The following SCMH1 variants were observed in gnomAD, a reference collection of about 807,000 sequenced individuals.
SCMH1 encodes the protein polycomb protein SCMH1.
SCMH1 carries 37 observed loss-of-function variants against 70.8 expected under a neutral mutation model. The observed-to-expected ratio is 0.52, with a 90% CI of 0.40 to 0.69. SCMH1 has a LOEUF of 0.69. Among genes scored for constraint, SCMH1 ranks in the 30% least tolerant of loss-of-function variants. SCMH1 has a pLI of 0.00. For missense variants in SCMH1, 607 were observed against 827.3 expected, an observed-to-expected ratio of 0.73 and a Z score of 3.27; for synonymous variants, 292 against 307.4, an observed-to-expected ratio of 0.95 and a Z score of 0.52.
rs147510599 is a variant in SCMH1 at position 41,200,310 on chromosome 1, T to C, written c.-117-14060A>G. ...GGTTAACATGGTGAAACCCCGTCTC[T>C]ACTAAAAATACAAAAAAACATTAGC... On this transcript the variant is annotated intron_variant, in intron 1 of 14. Coordinates refer to ENST00000337495, the Ensembl canonical transcript of SCMH1. Among the ~76,000 whole-genome samples, 63 of 151,940 alleles carry C rather than the reference T, an allele frequency of 4.1e-4. No homozygotes were observed. In the East Asian group the frequency reaches 0.011, roughly 27 times the overall value.
chr1:41,091,381 T>C (rs1663443807), intron 8 of SCMH1, among the ~76,000 whole-genome samples: 1 of 152,226 alleles, frequency 6.6e-6, no homozygotes, highest in Non-Finnish European at 1.5e-5. Flanking sequence ...TGATGGGATG[T>C]ATCTCAAAAT....
intron 1 of SCMH1, among the ~76,000 whole-genome samples, chr1:41,199,253 G>A (rs1031133200): frequency 6.6e-6 from 1 of 152,094 alleles, no homozygotes; most frequent in Non-Finnish European, 1.5e-5. Context: ...AACCAAGAAA[G>A]AGCACATTAC....
intron 6 of SCMH1, among the ~76,000 whole-genome samples, chr1:41,138,821 G>A (rs1276950988): frequency 4.6e-5 from 7 of 151,928 alleles, no homozygotes; most frequent in African/African-American, 1.7e-4. Flanking sequence ...TAGTTGAAAT[G>A]GTTTTATCCT....
chr1:41,148,345 C>A (rs1476661302), intron 5 of SCMH1, among the ~76,000 whole-genome samples: 1 of 152,172 alleles, frequency 6.6e-6, no homozygotes, highest in African/African-American at 2.4e-5. Flanking sequence ...CAGTGACCTT[C>A]ATTTCTTTGT....
At chr1:41,213,057 T>C (rs572348322) in intron 1 of SCMH1, among the ~76,000 whole-genome samples, 1 of 152,258 alleles carries the variant, frequency 6.6e-6, no homozygotes, top group African/African-American at 2.4e-5. Context: ...ACACGAATAG[T>C]ACAGATAGAT....
chr1:41,070,861 G>A (rs1444667723), intron 9 of SCMH1, 140 bp from the exon 10 acceptor site: 8 of 1,037,702 alleles, frequency 7.7e-6, no homozygotes, highest in African/African-American at 1.6e-5. Context: ...CACAGCATCT[G>A]GCTTAAAGCT....
At chr1:41,136,563 G>A (rs1338940134) in intron 6 of SCMH1, among the ~76,000 whole-genome samples, 2 of 151,264 alleles carry the variant, frequency 1.3e-5, no homozygotes, top group African/African-American at 4.9e-5. Flanking sequence ...TAGTAGAGAC[G>A]GGGTTTTACC....
chr1:41,170,269 G>A (rs1002399671), intron 2 of SCMH1, among the ~76,000 whole-genome samples: 1 of 152,172 alleles, frequency 6.6e-6, no homozygotes, highest in Admixed American at 6.5e-5. Context: ...TGCTATATGT[G>A]GGGTTAAAAC....
chr1:41,168,881 C>T (rs1572793130), intron 2 of SCMH1, among the ~76,000 whole-genome samples: 1 of 152,122 alleles, frequency 6.6e-6, no homozygotes, highest in East Asian at 1.9e-4. Context: ...AATACCCCCA[C>T]AATACCGTAG....
chr1:41,175,641 T>C (rs1190540146), intron 2 of SCMH1, among the ~76,000 whole-genome samples: 1 of 152,192 alleles, frequency 6.6e-6, no homozygotes, highest in African/African-American at 2.4e-5. Context: ...AATAGCTTCA[T>C]ACTCAATTAA....
chr1:41,094,897 A>C (rs1664658521), intron 8 of SCMH1, among the ~76,000 whole-genome samples: 1 of 152,068 alleles, frequency 6.6e-6, no homozygotes, highest in Non-Finnish European at 1.5e-5. Flanking sequence ...TCAAAAAAAA[A>C]AAAAAAATTC....
chr1:41,208,433 A>AT (rs576808485), intron 1 of SCMH1, among the ~76,000 whole-genome samples: 463 of 43,784 alleles, frequency 0.011, 1 homozygote, highest in African/African-American at 0.022. Context: ...TAAGAAAAAA[A>AT]TTAAAAAAAA....
chr1:41,040,373 AGT>A (rs1645968568), intron 12 of SCMH1, among the ~76,000 whole-genome samples: 1 of 152,144 alleles, frequency 6.6e-6, no homozygotes, highest in South Asian at 2.1e-4. Context: ...GGATGATCAG[AGT>A]GGTGGTGAGG....
At chr1:41,219,220 T>C (rs1053120100) in intron 1 of SCMH1, among the ~76,000 whole-genome samples, 9 of 152,340 alleles carry the variant, frequency 5.9e-5, no homozygotes, top group African/African-American at 9.6e-5. Context: ...AGTTCTGCAA[T>C]TGAGATTCTC....
At chr1:41,116,111 C>T (rs1670408145) in intron 7 of SCMH1, among the ~76,000 whole-genome samples, 1 of 152,162 alleles carries the variant, frequency 6.6e-6, no homozygotes, top group Admixed American at 6.5e-5. Flanking sequence ...AAACATTCTA[C>T]TTGGAGTCTT....
chr1:41,176,626 C>A (rs1299269866), intron 2 of SCMH1, among the ~76,000 whole-genome samples: 3 of 152,208 alleles, frequency 2.0e-5, no homozygotes, highest in Non-Finnish European at 2.9e-5. Context: ...CTCGGAGGGT[C>A]CTATGCCCAC....
intron 4 of SCMH1, chr1:41,152,458 T>A: frequency 1.1e-6 from 1 of 881,082 alleles, no homozygotes; most frequent in African/African-American, 1.7e-5. Context: ...AGATAAACAA[T>A]CTTCAAGGTG....
At chr1:41,151,878 G>A (rs557967474) in intron 4 of SCMH1, among the ~76,000 whole-genome samples, 194 bp from the exon 5 acceptor site, 5 of 152,238 alleles carry the variant, frequency 3.3e-5, no homozygotes, top group African/African-American at 7.2e-5. Flanking sequence ...TTAGATTCAC[G>A]TTTTAAAATA....
chr1:41,074,515 T>A (rs12145015), intron 9 of SCMH1, among the ~76,000 whole-genome samples: 11,863 of 151,840 alleles, frequency 0.078, 598 homozygotes, highest in South Asian at 0.13. Context: ...GATAGCAAAA[T>A]ATATATTTAC....
Sources: gnomAD v4.1 joint callset for allele counts (sites outside exome capture counted in the v4.1 genomes callset) on GRCh38, gnomAD v4.1.1 for gene constraint, MANE v1.5 for transcripts, NCBI Gene and HGNC (gene_info 2026-07-23, HGNC 2026-07-21) for gene names.